Variants in CSMD1 observed in about 807,000 individuals in gnomAD.
The protein encoded by CSMD1 is CUB and sushi domain-containing protein 1.
A neutral mutation model predicts 417.5 loss-of-function variants in CSMD1; 213 were observed. The ratio of observed to expected loss-of-function variants is 0.51; its 90% CI spans 0.46 to 0.57. The LOEUF is 0.57. Among genes scored for constraint, CSMD1 ranks in the 20% least tolerant of loss-of-function variants. CSMD1 has a pLI of 0.00. For synonymous variants in CSMD1, 2,862 were observed against 1,736.8 expected (o/e 1.65, Z -16.11); for missense variants, 6,923 against 4,529.7 (o/e 1.53, Z -15.17).
intron 60 of CSMD1, 67 bp from the exon 61 acceptor site, chr8:2,962,706 G>T: frequency 6.7e-7 from 1 of 1,484,302 alleles, no homozygotes; most frequent in South Asian, 1.3e-5. Flanking sequence ...AATTGAGCTT[G>T]GTAACTAGTT....
intron 6 of CSMD1, among the ~76,000 whole-genome samples, chr8:3,729,945 AAAAAAAAAAAAAAAAAC>A (rs1291527428): frequency 0.017 from 322 of 19,484 alleles, 31 homozygotes; most frequent in South Asian, 0.12. Context: ...AAAAAAAAAA[AAAAAAAAAAAAAAAAAC>A]AAAAACAGAA....
intron 1 of CSMD1, among the ~76,000 whole-genome samples, chr8:4,785,430 G>C (rs948114120): frequency 5.3e-5 from 8 of 152,134 alleles, no homozygotes; most frequent in African/African-American, 1.9e-4. Flanking sequence ...CCCACAGTGG[G>C]TTAGATCACC....
At chr8:4,816,870 C>T (rs145457744) in intron 1 of CSMD1, among the ~76,000 whole-genome samples, 1 of 152,188 alleles carries the variant, frequency 6.6e-6, no homozygotes, top group East Asian at 2.0e-4. Flanking sequence ...ATATGGGGGT[C>T]TCAGAAACAG....
At chr8:4,848,745 T>C (rs1801293570) in intron 1 of CSMD1, among the ~76,000 whole-genome samples, 2 of 152,174 alleles carry the variant, frequency 1.3e-5, no homozygotes, top group African/African-American at 4.8e-5. Flanking sequence ...GGTTTCACCA[T>C]GCTGGCCAGG....
chr8:3,841,451 C>T (rs1803126815), intron 5 of CSMD1, among the ~76,000 whole-genome samples: 2 of 152,152 alleles, frequency 1.3e-5, no homozygotes, highest in South Asian at 2.1e-4. Flanking sequence ...GACATTCTTT[C>T]ACTTGCAAGA....
At chr8:4,312,766 C>T (rs1178974749) in intron 3 of CSMD1, among the ~76,000 whole-genome samples, 2 of 151,924 alleles carry the variant, frequency 1.3e-5, no homozygotes, top group Admixed American at 6.6e-5. Flanking sequence ...CCCAGCTACT[C>T]CGGAGGCTGA....
chr8:3,713,886 A>T (rs753175681), intron 6 of CSMD1, among the ~76,000 whole-genome samples: 1 of 152,122 alleles, frequency 6.6e-6, no homozygotes, highest in Non-Finnish European at 1.5e-5. Flanking sequence ...ATTAACTTGC[A>T]TGTTTACTGT....
At chr8:4,503,254 G>A (rs964330522) in intron 2 of CSMD1, among the ~76,000 whole-genome samples, 2 of 152,002 alleles carry the variant, frequency 1.3e-5, no homozygotes, top group African/African-American at 4.8e-5. Flanking sequence ...ATTGCACTTT[G>A]CCATGGCAGC....
chr8:3,765,683 C>T (rs1392273439), intron 5 of CSMD1, among the ~76,000 whole-genome samples: 1 of 152,230 alleles, frequency 6.6e-6, no homozygotes, highest in Non-Finnish European at 1.5e-5. Flanking sequence ...TGCTCTTGTC[C>T]TCTCATGCCC....
chr8:4,141,250 C>T (rs1442078505), intron 3 of CSMD1, among the ~76,000 whole-genome samples: 1 of 151,046 alleles, frequency 6.6e-6, no homozygotes, highest in Non-Finnish European at 1.5e-5. Context: ...GAAGAATAAG[C>T]TTGATGCTGA....
intron 10 of CSMD1, among the ~76,000 whole-genome samples, chr8:3,496,731 C>T (rs368462211): frequency 6.6e-6 from 1 of 152,058 alleles, no homozygotes. Context: ...GAAGCTGAGG[C>T]AGGAGAATCA....
At chr8:4,372,501 C>T (rs1196775293) in intron 3 of CSMD1, among the ~76,000 whole-genome samples, 1 of 147,434 alleles carries the variant, frequency 6.8e-6, no homozygotes, top group East Asian at 2.0e-4. Context: ...CAACAAAAAA[C>T]AGAAAAAAAG....
At position 3,868,994 on chromosome 8, in the gene CSMD1, G is replaced by C. The variant is rs552635910; in HGVS notation, c.819-114952C>G. Among the ~76,000 whole-genome samples, 232 of 152,278 alleles carry C rather than the reference G, an allele frequency of 1.5e-3. 7 individuals are homozygous for C. In the South Asian group the frequency reaches 0.047, roughly 31 times the overall value. The stretch of plus-strand genomic sequence containing the variant: ...CTCTTCTGCTCAGATGATGCCGATG[G>C]CTTTCCAGCTCTCTCGAAGTAACAG... On this transcript the variant is annotated intron_variant, in intron 5 of 69. Coordinates refer to ENST00000635120, the MANE Select transcript of CSMD1 (RefSeq NM_033225.6).
In CSMD1 at chr8:4,498,167, T is replaced by C. The variant is rs1051835316; in HGVS notation, c.303-78102A>G. ...CTAATCGGGGAGGGACACGCAGTTA[T>C]CTTTCTACTGTTAATGCTAACCCAA... On this transcript the variant is annotated intron_variant, in intron 2 of 69. Coordinates refer to ENST00000635120, the MANE Select transcript of CSMD1 (RefSeq NM_033225.6). Among the ~76,000 whole-genome samples, 5 of 152,192 alleles carry C rather than the reference T, an allele frequency of 3.3e-5. No homozygotes were observed. The East Asian group carries it at 7.7e-4, about 23-fold the overall frequency.
chr8:3,561,905 AG>A (rs1799482243), intron 10 of CSMD1, among the ~76,000 whole-genome samples: 1 of 152,194 alleles, frequency 6.6e-6, no homozygotes, highest in African/African-American at 2.4e-5. Flanking sequence ...CCATGCCCAG[AG>A]GCTTCTGCAT....
At chr8:3,387,084 A>G (rs762780604) in intron 18 of CSMD1, among the ~76,000 whole-genome samples, 14 of 152,198 alleles carry the variant, frequency 9.2e-5, no homozygotes, top group African/African-American at 7.2e-5. Context: ...CTAGACATTC[A>G]GTCCACGGAA....
intron 3 of CSMD1, among the ~76,000 whole-genome samples, chr8:4,270,631 C>T (rs1336076117): frequency 6.6e-6 from 1 of 152,270 alleles, no homozygotes; most frequent in South Asian, 2.1e-4. Flanking sequence ...TAGAATTAAA[C>T]CTGCCCCTCA....
intron 1 of CSMD1, among the ~76,000 whole-genome samples, chr8:4,848,158 C>G (rs1454809725): frequency 6.6e-6 from 1 of 152,154 alleles, no homozygotes; most frequent in Non-Finnish European, 1.5e-5. Flanking sequence ...GTACTTCATT[C>G]TTGGTCTGGC....
At chr8:3,681,389 C>T (rs1257772722) in intron 7 of CSMD1, among the ~76,000 whole-genome samples, 1 of 152,100 alleles carries the variant, frequency 6.6e-6, no homozygotes, top group African/African-American at 2.4e-5. Context: ...TTCTTATACA[C>T]CAATAACAGA....
Sources: allele counts gnomAD v4.1 joint callset (sites outside exome capture counted in the v4.1 genomes callset), GRCh38; gene constraint gnomAD v4.1.1; transcripts MANE v1.5; gene names NCBI Gene and HGNC (gene_info 2026-07-23, HGNC 2026-07-21).